ADAMTS16: variants seen among roughly 807,000 people sequenced by gnomAD.
ADAMTS16 encodes A disintegrin and metalloproteinase with thrombospondin motifs 16.
In ADAMTS16, 94 loss-of-function variants were observed where a neutral mutation model predicts 145.8. That is an observed-to-expected ratio of 0.64 (90% CI 0.55 to 0.77). ADAMTS16 has a LOEUF of 0.77. ADAMTS16 is among the 30% of genes least tolerant of loss of function. The probability of loss-of-function intolerance (pLI) is 0.00; values close to 1 mark genes in which losing one functional copy is unlikely to be tolerated. For synonymous variants in ADAMTS16, 659 were observed against 604.3 expected (o/e 1.09, Z -1.33); for missense variants, 1,585 against 1,591.5 (o/e 1.00, Z 0.07).
At chr5:5,298,715 A>G (rs1739648857) in intron 18 of ADAMTS16, among the ~76,000 whole-genome samples, 1 of 152,218 alleles carries the variant, frequency 6.6e-6, no homozygotes, top group Non-Finnish European at 1.5e-5. Context: ...CTTACATTAT[A>G]TTAGATCTCA....
rs917140439 is a variant in ADAMTS16 at position 5,232,242 on chromosome 5, T to C, written c.1702-126T>C. ...ATTTATATTAGGTGCTGCTTGAGTGTAGGGGGAGGCTAATGTCTGCATAGT... is the reference window on the plus strand; with the variant it reads ...ATTTATATTAGGTGCTGCTTGAGTGCAGGGGGAGGCTAATGTCTGCATAGT... On this transcript the variant is annotated intron_variant, in intron 11 of 22. Transcript: ENST00000274181. The C allele has an allele frequency of 4.2e-6, 4 of 962,634 alleles. No individual in the cohort carries two copies. The African/African-American group carries it at 9.3e-5, about 22-fold the overall frequency. The allele number at this position is 962,634 out of a possible 1,614,324, so 59.6% of individuals were successfully genotyped here. A position where few individuals can be genotyped will look rare whatever the true frequency, so the allele number is the denominator to read the frequency against.
At chr5:5,238,541 G>A (rs1027530960) in intron 14 of ADAMTS16, among the ~76,000 whole-genome samples, 1 of 151,974 alleles carries the variant, frequency 6.6e-6, no homozygotes, top group South Asian at 2.1e-4. Context: ...AATACATCTG[G>A]CCCTATGGAT....
chr5:5,146,334 C>A lies in ADAMTS16; in HGVS notation c.380C>A (p.Thr127Lys). 1.2e-6 allele frequency: 2 copies of A among 1,614,144 alleles called. No homozygotes were observed. Among genetic ancestry groups the A allele is most frequent in the Non-Finnish European group, 1.7e-6 (2 of 1,180,034 alleles). Residue 127 changes from threonine (T) to lysine (K), a missense_variant, in exon 3 of 23, where the codon ACG becomes AAG. Around this residue, in one of 3 missense-constraint regions of ADAMTS16, gnomAD observed 453 missense variants for 412.1 expected, o/e 1.10. Transcript: ENST00000274181. ...SLVAPGFIVQ[T>K]LGKTGTKSVQ... ...GTGGCTCCTGGCTTTATTGTGCAGA[C>A]GTTGGGAAAGACAGGCACTAAGTCT...
At chr5:5,279,428 C>T (rs1320568655) in intron 18 of ADAMTS16, among the ~76,000 whole-genome samples, 1 of 152,028 alleles carries the variant, frequency 6.6e-6, no homozygotes, top group African/African-American at 2.4e-5. Context: ...TTTCATTTTC[C>T]TCTCCCCTTT....
At chr5:5,231,433 C>CTT (rs11317676) in intron 11 of ADAMTS16, among the ~76,000 whole-genome samples, 1 of 148,442 alleles carries the variant, frequency 6.7e-6, no homozygotes, top group African/African-American at 2.5e-5. Flanking sequence ...TGAAAGTAGC[C>CTT]TTTTTTTTTT....
intron 11 of ADAMTS16, among the ~76,000 whole-genome samples, chr5:5,226,684 C>T (rs1013836033): frequency 2.3e-4 from 35 of 152,116 alleles, no homozygotes; most frequent in African/African-American, 3.1e-4. Flanking sequence ...GATGGCACCT[C>T]GTCTCCTCTC....
chr5:5,262,588 CTCA>C (rs1293879456), intron 17 of ADAMTS16, 66 bp from the exon 18 acceptor site: 8 of 1,542,578 alleles, frequency 5.2e-6, no homozygotes, highest in Non-Finnish European at 7.0e-6. Context: ...ATTTTATTAG[CTCA>C]TCATCTGCCT....
rs769948113 is a variant in ADAMTS16 at position 5,319,004 on chromosome 5, C to G, written c.3560-19C>G. 1 of 1,571,230 alleles carries G rather than the reference C, an allele frequency of 6.4e-7. No individual in the cohort carries two copies. The highest frequency in any genetic ancestry group is 1.1e-5 in the South Asian group (1 of 88,286). On this transcript the variant is annotated intron_variant, in intron 22 of 22. Transcript: ENST00000274181. ...CTGCACTCGGGATCGCTGAGTAATG[C>G]AGCTCTGCTCATTTTCAGATGCCTT...
intron 3 of ADAMTS16, among the ~76,000 whole-genome samples, chr5:5,173,996 A>G (rs1735121267): frequency 6.6e-6 from 1 of 152,342 alleles, no homozygotes; most frequent in East Asian, 1.9e-4. Context: ...TAATTACAGT[A>G]TTATAAAATC....
At position 5,182,033 on chromosome 5, in the gene ADAMTS16, A is replaced by G. The variant is rs774359367; in HGVS notation, c.502-11A>G. On this transcript the variant is annotated splice_polypyrimidine_tract_variant and intron_variant, in intron 3 of 22. Transcript: ENST00000274181. ...AATTGTGTTTTCTTTCTTTCCTTTT[A>G]TTTTTTCCAGTCAGGCATGATACGA... The G allele has an allele frequency of 1.3e-6, 2 of 1,578,898 alleles. No individual in the cohort carries two copies. The highest frequency in any genetic ancestry group is 4.5e-5 in the East Asian group (2 of 44,330).
intron 10 of ADAMTS16, among the ~76,000 whole-genome samples, chr5:5,219,723 C>G (rs570336778): frequency 6.6e-6 from 1 of 152,304 alleles, no homozygotes; most frequent in African/African-American, 2.4e-5. Context: ...CAAAATGAGG[C>G]TGAAAAACAC....
At chr5:5,290,202 C>G (rs555041526) in intron 18 of ADAMTS16, among the ~76,000 whole-genome samples, 6 of 152,258 alleles carry the variant, frequency 3.9e-5, no homozygotes, top group African/African-American at 1.4e-4. Context: ...TCTGTGTAAC[C>G]CACAAGCTTG....
At chr5:5,159,910 C>A (rs980438309) in intron 3 of ADAMTS16, among the ~76,000 whole-genome samples, 1 of 152,144 alleles carries the variant, frequency 6.6e-6, no homozygotes, top group African/African-American at 2.4e-5. Flanking sequence ...TTTGTATTCA[C>A]CCTGAGGCAG....
chr5:5,164,402 C>T (rs1046638071), intron 3 of ADAMTS16, among the ~76,000 whole-genome samples: 3 of 152,222 alleles, frequency 2.0e-5, no homozygotes, highest in African/African-American at 4.8e-5. Flanking sequence ...TGACGCCTTC[C>T]TGGCACTGGC....
intron 18 of ADAMTS16, among the ~76,000 whole-genome samples, chr5:5,268,224 G>T (rs1476618945): frequency 1.3e-5 from 2 of 152,194 alleles, no homozygotes; most frequent in Non-Finnish European, 2.9e-5. Flanking sequence ...ACATCACAAA[G>T]CTTCTGGAAT....
rs367558187 is a variant in ADAMTS16, at chr5:5,259,446, C to CAATT, written c.2663-3211_2663-3210insAATT. On this transcript the variant is annotated intron_variant, in intron 17 of 22. Transcript: ENST00000274181. ...AAAAGTATCTGAGACAGGTCTCAAT[C>CAATT]GAGTTTATTTTGCCAAGGTTAAGGA... 2.2e-3 allele frequency among the ~76,000 whole-genome samples: 332 copies of CAATT among 152,330 alleles called. 1 individual carries two copies. Among genetic ancestry groups the CAATT allele is most frequent in the African/African-American group, 7.4e-3 (309 of 41,576 alleles).
In ADAMTS16 at chr5:5,319,553, C is replaced by A; in HGVS notation, c.*415C>A. 1 of 293,086 alleles carries A rather than the reference C, an allele frequency of 3.4e-6. No individual in the cohort carries two copies. The highest frequency in any genetic ancestry group is 6.6e-6 in the Non-Finnish European group (1 of 151,648). 18.2% of individuals were successfully genotyped at this position (293,086 alleles called of 1,614,324 possible). A position where few individuals can be genotyped will look rare whatever the true frequency, so the allele number is the denominator to read the frequency against. ...ATAAGGAAAACATACAAAATATGTA[C>A]CCCCTAGTTCACCAGCCTCCCCTCC... is the stretch of plus-strand genomic sequence containing the variant. On this transcript the variant is annotated 3_prime_UTR_variant, in exon 23 of 23. Transcript: ENST00000274181.
Position 5,262,753 on chromosome 5 carries a change from T to A in ADAMTS16, c.2759T>A (p.Val920Glu). 1 of 1,614,212 alleles carries A rather than the reference T, an allele frequency of 6.2e-7. No individual in the cohort carries two copies. Among genetic ancestry groups the A allele is most frequent in the South Asian group, 1.1e-5 (1 of 91,078 alleles). ...NPKTRPVTGLVPCKVSACPPS... is the reference protein window; with the variant it reads ...NPKTRPVTGLEPCKVSACPPS... ...AAGACACGACCTGTCACGGGGCTGG[T>A]GCCTTGCAAAGTATCTGCCTGTCCT... is the stretch of plus-strand genomic sequence containing the variant. The change falls in exon 18 of 23, where the codon GTG becomes GAG. Residue 920 changes from valine (V) to glutamate (E), a missense_variant. By Grantham distance (121) the Val-to-Glu change is moderately radical. Around this residue, in one of 3 missense-constraint regions of ADAMTS16, gnomAD observed 834 missense variants for 811.7 expected, o/e 1.03. Coordinates refer to ENST00000274181, the MANE Select transcript of ADAMTS16 (RefSeq NM_139056.4).
At chr5:5,268,816 C>T (rs1738356833) in intron 18 of ADAMTS16, among the ~76,000 whole-genome samples, 1 of 152,144 alleles carries the variant, frequency 6.6e-6, no homozygotes, top group African/African-American at 2.4e-5. Context: ...CAGGTCCTGG[C>T]CTTAGTGAGC....
Sources: allele counts gnomAD v4.1 joint callset (sites outside exome capture counted in the v4.1 genomes callset), GRCh38; gene constraint gnomAD v4.1.1; regional missense constraint gnomAD v4.1.1; transcripts MANE v1.5; gene names NCBI Gene and HGNC (gene_info 2026-07-23, HGNC 2026-07-21).